The following TMEM123 variants were observed in gnomAD, a reference collection of about 807,000 sequenced individuals.
The protein encoded by TMEM123 is porimin.
In TMEM123, 16 loss-of-function variants were observed where a neutral mutation model predicts 19.7. That is an observed-to-expected ratio of 0.81 (90% confidence interval 0.55 to 1.23). The LOEUF (loss-of-function observed/expected upper bound fraction) is 1.23. Ranked by LOEUF, TMEM123 falls within the 50% of genes most tolerant of loss-of-function variation. The pLI, the probability that TMEM123 is intolerant of heterozygous loss-of-function variation, is 0.00. For synonymous variants in TMEM123, 118 were observed against 99.4 expected (o/e 1.19, Z -1.12); for missense variants, 313 against 257.8 (o/e 1.21, Z -1.47).
At chr11:102,430,262 A>C (rs1472251470) in intron 2 of TMEM123, among the ~76,000 whole-genome samples, 1 of 152,176 alleles carries the variant, frequency 6.6e-6, no homozygotes, top group Admixed American at 6.5e-5. Flanking sequence ...AAAAACTCAA[A>C]AACTGGTTTA....
At chr11:102,424,928 C>G (rs1214353998) in intron 2 of TMEM123, among the ~76,000 whole-genome samples, 1 of 152,214 alleles carries the variant, frequency 6.6e-6, no homozygotes, top group Non-Finnish European at 1.5e-5. Context: ...CAGAAGCACA[C>G]TCTTGGTCAA....
At chr11:102,399,640 A>G (rs1951892727) in intron 4 of TMEM123, among the ~76,000 whole-genome samples, 1 of 152,204 alleles carries the variant, frequency 6.6e-6, no homozygotes, top group Non-Finnish European at 1.5e-5. Context: ...GATATGATAA[A>G]TATATGCAAC....
chr11:102,417,156 G>T (rs1197116449), intron 2 of TMEM123, among the ~76,000 whole-genome samples: 1 of 152,064 alleles, frequency 6.6e-6, no homozygotes. Flanking sequence ...ACAAGAGAAA[G>T]AAATAACAGG....
In TMEM123 at chr11:102,401,701, AAAG is replaced by A; in HGVS notation, c.449-12_449-10del. On this transcript the variant is annotated splice_polypyrimidine_tract_variant and intron_variant, in intron 3 of 4. Coordinates refer to ENST00000398136, the MANE Select transcript of TMEM123 (RefSeq NM_052932.3). Reference sequence around the variant, plus strand: ...ATGCATAGTTGTTGTGACTAGAACAAAAGAAAACAAAAAAGGGCTTTAGCGTTA... The same window carrying A: ...ATGCATAGTTGTTGTGACTAGAACAAAAAACAAAAAAGGGCTTTAGCGTTA... 1 of 1,570,462 alleles carries A rather than the reference AAAG, an allele frequency of 6.4e-7. No individual in the cohort carries two copies. Among genetic ancestry groups the A allele is most frequent in the South Asian group, 1.2e-5 (1 of 83,336 alleles).
chr11:102,440,574 C>CG (rs1338404040), intron 2 of TMEM123, among the ~76,000 whole-genome samples: 9 of 152,130 alleles, frequency 5.9e-5, no homozygotes, highest in African/African-American at 2.2e-4. Context: ...AAGGAACAAC[C>CG]GTACCAGCCA....
At chr11:102,426,776 GT>G (rs1314686920) in intron 2 of TMEM123, among the ~76,000 whole-genome samples, 1 of 134,020 alleles carries the variant, frequency 7.5e-6, no homozygotes, top group Non-Finnish European at 1.5e-5. Context: ...TGTTGCTGCT[GT>G]TTAACAATGA....
chr11:102,439,529 A>G (rs1417684916), intron 2 of TMEM123, among the ~76,000 whole-genome samples: 3 of 152,208 alleles, frequency 2.0e-5, no homozygotes, highest in Non-Finnish European at 2.9e-5. Flanking sequence ...CATCCACACC[A>G]AAACCCCATC....
intron 2 of TMEM123, among the ~76,000 whole-genome samples, chr11:102,405,088 G>A (rs1468989878): frequency 6.8e-6 from 1 of 146,182 alleles, no homozygotes; most frequent in Non-Finnish European, 1.5e-5. Flanking sequence ...TTGCTCTGTT[G>A]CCCAGGCTGG....
intron 2 of TMEM123, 24 bp downstream of exon 2, chr11:102,448,788 T>C (rs757017684): frequency 6.2e-7 from 1 of 1,610,844 alleles, no homozygotes; most frequent in Admixed American, 1.7e-5. Context: ...TGAAAATTTG[T>C]TTTTTTAATC....
chr11:102,427,227 A>G (rs1952136527), intron 2 of TMEM123, among the ~76,000 whole-genome samples: 1 of 151,950 alleles, frequency 6.6e-6, no homozygotes, highest in Non-Finnish European at 1.5e-5. Flanking sequence ...ATGCCTTTTA[A>G]TATCAAATGG....
chr11:102,439,834 T>A (rs912275403), intron 2 of TMEM123, among the ~76,000 whole-genome samples: 1 of 152,034 alleles, frequency 6.6e-6, no homozygotes, highest in Non-Finnish European at 1.5e-5. Flanking sequence ...CTAACTAGAA[T>A]AAATAGCATA....
intron 2 of TMEM123, among the ~76,000 whole-genome samples, chr11:102,404,196 T>C (rs1951934672): frequency 6.6e-6 from 1 of 152,214 alleles, no homozygotes; most frequent in Non-Finnish European, 1.5e-5. Flanking sequence ...GCCACTGTTG[T>C]CAAGTACCAA....
In TMEM123 at chr11:102,439,095, C is replaced by T. The variant is rs146553610; in HGVS notation, c.157+9717G>A. On this transcript the variant is annotated intron_variant, in intron 2 of 4. Coordinates refer to ENST00000398136, the MANE Select transcript of TMEM123 (RefSeq NM_052932.3). ...AGGTAAACAAAGTGGCCGGGAAGCTCGAACTGGGTGGAGCCCACCACAGCT... is the reference window on the plus strand; with the variant it reads ...AGGTAAACAAAGTGGCCGGGAAGCTTGAACTGGGTGGAGCCCACCACAGCT... 5.8e-3 allele frequency among the ~76,000 whole-genome samples: 877 copies of T among 152,294 alleles called. 7 individuals carry two copies. The highest frequency in any genetic ancestry group is 0.02 in the African/African-American group (832 of 41,558).
rs138492750 is a variant in TMEM123 at position 102,444,837 on chromosome 11, C to A, written c.157+3975G>T. Among the ~76,000 whole-genome samples, 1,088 of 151,964 alleles carry A rather than the reference C, an allele frequency of 7.2e-3. 13 individuals carry two copies. The highest frequency in any genetic ancestry group is 0.024 in the African/African-American group (995 of 41,442). On this transcript the variant is annotated intron_variant, in intron 2 of 4. Coordinates refer to ENST00000398136, the MANE Select transcript of TMEM123 (RefSeq NM_052932.3). ...ATATACACCATGGAATACTATGCAG[C>A]CATAAAAAAGGATGAGTTCATGTCC...
At chr11:102,448,937 T>A in intron 1 of TMEM123, 69 bp from the exon 2 acceptor site, 1 of 1,511,464 alleles carries the variant, frequency 6.6e-7, no homozygotes, top group Non-Finnish European at 9.2e-7. Context: ...TATGTGGTTT[T>A]CTGCCTAGCG....
Position 102,430,428 on chromosome 11 carries a change from T to C in TMEM123, c.157+18384A>G, listed in dbSNP as rs150431462. 1.3e-3 allele frequency among the ~76,000 whole-genome samples: 192 copies of C among 152,280 alleles called. 1 individual carries two copies. The highest frequency in any genetic ancestry group is 4.1e-3 in the African/African-American group (171 of 41,542). On this transcript the variant is annotated intron_variant, in intron 2 of 4. Transcript: ENST00000398136. The stretch of plus-strand genomic sequence containing the variant: ...GATGAAGCATCACATTACATTACTA[T>C]AAGCCAGTAAACCACAAACTCCTCT...
chr11:102,444,433 A>T (rs1009023619), intron 2 of TMEM123, among the ~76,000 whole-genome samples: 11 of 151,816 alleles, frequency 7.2e-5, no homozygotes, highest in Non-Finnish European at 1.0e-4. Flanking sequence ...TTCTCAGCAA[A>T]CTACGGCAAG....
At chr11:102,409,941 C>T (rs1951989609) in intron 2 of TMEM123, among the ~76,000 whole-genome samples, 3 of 150,456 alleles carry the variant, frequency 2.0e-5, no homozygotes, top group African/African-American at 7.3e-5. Flanking sequence ...TAAAAAAAGT[C>T]ACATCATGAT....
At chr11:102,427,497 G>A (rs535665733) in intron 2 of TMEM123, among the ~76,000 whole-genome samples, 71 of 145,334 alleles carry the variant, frequency 4.9e-4, no homozygotes, top group South Asian at 9.0e-4. Context: ...CGCCCAGGCT[G>A]GAGTGCAGTG....
Sources: allele counts gnomAD v4.1 joint callset (sites outside exome capture counted in the v4.1 genomes callset), GRCh38; gene constraint gnomAD v4.1.1; transcripts MANE v1.5; gene names NCBI Gene and HGNC (gene_info 2026-07-23, HGNC 2026-07-21).